MGAT4C: variants seen among roughly 807,000 people sequenced by gnomAD.
MGAT4C encodes the protein alpha-1,3-mannosyl-glycoprotein 4-beta-N-acetylglucosaminyltransferase C.
A neutral mutation model predicts 40.1 loss-of-function variants in MGAT4C; 19 were observed. The observed-to-expected ratio is 0.47, with a 90% CI of 0.33 to 0.70. The LOEUF (loss-of-function observed/expected upper bound fraction) is 0.70, where lower values mean the gene tolerates loss of function less well. Ranked by LOEUF, MGAT4C falls within the 30% of genes least tolerant of loss-of-function variation. The pLI is 0.02. For synonymous variants in MGAT4C, 181 were observed against 187.1 expected (o/e 0.97, Z 0.27); for missense variants, 491 against 563.2 (o/e 0.87, Z 1.30).
intron 3 of MGAT4C, among the ~76,000 whole-genome samples, chr12:85,984,221 G>A (rs1159670587): frequency 6.6e-6 from 1 of 152,170 alleles, no homozygotes; most frequent in Non-Finnish European, 1.5e-5. Context: ...AGTCACTTAT[G>A]TGGCTACTAT....
intron 2 of MGAT4C, among the ~76,000 whole-genome samples, chr12:86,623,425 G>C (rs1962700506): frequency 6.6e-6 from 1 of 152,020 alleles, no homozygotes; most frequent in South Asian, 2.1e-4. Context: ...TTTACAGTAA[G>C]CATTAAAAGT....
chr12:86,516,937 A>G (rs1201678402), intron 2 of MGAT4C, among the ~76,000 whole-genome samples: 1 of 152,202 alleles, frequency 6.6e-6, no homozygotes, highest in Non-Finnish European at 1.5e-5. Context: ...CAATAAGCAC[A>G]AGACAAAAGA....
intron 1 of MGAT4C, among the ~76,000 whole-genome samples, chr12:86,144,003 A>G (rs1468776375): frequency 6.6e-6 from 1 of 152,188 alleles, no homozygotes; most frequent in Non-Finnish European, 1.5e-5. Flanking sequence ...AGTGCCTAGC[A>G]CATAATATGT....
At chr12:86,598,963 C>T (rs1054600546) in intron 2 of MGAT4C, among the ~76,000 whole-genome samples, 1 of 152,050 alleles carries the variant, frequency 6.6e-6, no homozygotes, top group African/African-American at 2.4e-5. Flanking sequence ...CTGAAGCTAA[C>T]AGAACTAAGG....
At chr12:86,528,415 T>C (rs1051496079) in intron 2 of MGAT4C, among the ~76,000 whole-genome samples, 1 of 152,076 alleles carries the variant, frequency 6.6e-6, no homozygotes, top group African/African-American at 2.4e-5. Context: ...TTTGCTTTTC[T>C]AGAAAACAAA....
chr12:86,663,353 C>CAAAAAAAA lies in MGAT4C; in HGVS notation c.-229+63848_-229+63855dup, dbSNP rs58562873. On this transcript the variant is annotated intron_variant, in intron 2 of 7. Coordinates refer to the MGAT4C transcript ENST00000548651. Reference sequence around the variant, plus strand: ...TGAAAAAGTGATACCTCCTCTGTCTCAAAAAAAAAAAAAAAAAAAAAAGAG... The same window carrying CAAAAAAAA: ...TGAAAAAGTGATACCTCCTCTGTCTCAAAAAAAAAAAAAAAAAAAAAAAAAAAAAAGAG... Among the ~76,000 whole-genome samples the CAAAAAAAA allele has an allele frequency of 5.8e-3, 261 of 44,722 alleles. 6 individuals carry two copies. The highest frequency in any genetic ancestry group is 0.019 in the African/African-American group (229 of 11,780). The allele number at this position is 44,722 out of a possible 152,430, so 29.3% of individuals were successfully genotyped here. A position where few individuals can be genotyped will look rare whatever the true frequency, so the allele number is the denominator to read the frequency against.
chr12:86,509,548 T>C (rs1262592280), intron 2 of MGAT4C, among the ~76,000 whole-genome samples: 1 of 152,124 alleles, frequency 6.6e-6, no homozygotes, highest in Non-Finnish European at 1.5e-5. Context: ...ATGGGGGCTC[T>C]TTTTTGGTTC....
At chr12:85,998,777 T>A (rs1886943941) in intron 2 of MGAT4C, among the ~76,000 whole-genome samples, 1 of 152,126 alleles carries the variant, frequency 6.6e-6, no homozygotes, top group Non-Finnish European at 1.5e-5. Context: ...ATTCAACAAG[T>A]CTCTAGGAAG....
chr12:86,725,345 A>G (rs190151341), intron 2 of MGAT4C, among the ~76,000 whole-genome samples: 128 of 152,260 alleles, frequency 8.4e-4, no homozygotes, highest in African/African-American at 2.9e-3. Context: ...CTTAGCCTTA[A>G]ACAACTTGGG....
rs777348342 is a variant in MGAT4C, at chr12:86,036,936, G to T, written c.-7+12738C>A. Among the ~76,000 whole-genome samples, 5 of 149,748 alleles carry T rather than the reference G, an allele frequency of 3.3e-5. 1 individual carries two copies. Among genetic ancestry groups the T allele is most frequent in the African/African-American group, 1.2e-4 (5 of 41,232 alleles). On this transcript the variant is annotated intron_variant, in intron 2 of 4. Coordinates refer to ENST00000611864, the MANE Select transcript of MGAT4C (RefSeq NM_001351288.2). The stretch of plus-strand genomic sequence containing the variant: ...TCTGTCTGGTCCTGGACTTTTTTTG[G>T]TTGGTAGGCTATTACTGCCTCAATT...
chr12:86,031,576 C>T (rs189070197), intron 2 of MGAT4C, among the ~76,000 whole-genome samples: 35 of 151,724 alleles, frequency 2.3e-4, no homozygotes, highest in African/African-American at 8.4e-4. Context: ...TATTACAACA[C>T]CTGCAATGTT....
chr12:86,780,208 T>A (rs1951814233), intron 1 of MGAT4C, among the ~76,000 whole-genome samples: 1 of 152,184 alleles, frequency 6.6e-6, no homozygotes, highest in Non-Finnish European at 1.5e-5. Flanking sequence ...ATTCTCTAAC[T>A]CAAAAGCCAT....
At chr12:86,018,825 T>A (rs566871281) in intron 2 of MGAT4C, among the ~76,000 whole-genome samples, 5 of 152,192 alleles carry the variant, frequency 3.3e-5, no homozygotes, top group African/African-American at 1.2e-4. Flanking sequence ...AGTTTCACTT[T>A]AAGCTTCAAC....
At chr12:86,758,170 C>T (rs1378523134) in intron 1 of MGAT4C, among the ~76,000 whole-genome samples, 1 of 152,048 alleles carries the variant, frequency 6.6e-6, no homozygotes, top group Non-Finnish European at 1.5e-5. Flanking sequence ...ATTTCAATTA[C>T]CCAAAGTTTC....
intron 2 of MGAT4C, among the ~76,000 whole-genome samples, chr12:86,590,999 A>G (rs1401584189): frequency 6.6e-6 from 1 of 151,856 alleles, no homozygotes; most frequent in Admixed American, 6.6e-5. Flanking sequence ...CTTTATATCT[A>G]TTTCTTGGGA....
intron 1 of MGAT4C, among the ~76,000 whole-genome samples, chr12:86,803,211 T>C (rs1363081406): frequency 1.3e-5 from 2 of 150,462 alleles, no homozygotes; most frequent in Admixed American, 6.6e-5. Flanking sequence ...TGGCTAGCCA[T>C]ATGTAGAAAG....
intron 2 of MGAT4C, among the ~76,000 whole-genome samples, chr12:86,655,551 C>T (rs1416488726): frequency 6.6e-6 from 1 of 152,010 alleles, no homozygotes; most frequent in East Asian, 1.9e-4. Context: ...AACTTGAATG[C>T]CATATTCAAT....
At chr12:86,009,269 C>T (rs558494692) in intron 2 of MGAT4C, among the ~76,000 whole-genome samples, 16 of 152,226 alleles carry the variant, frequency 1.1e-4, no homozygotes, top group Non-Finnish European at 1.8e-4. Flanking sequence ...TTTCTGTGTG[C>T]GTTCCAGAAG....
intron 1 of MGAT4C, among the ~76,000 whole-genome samples, chr12:86,246,842 A>C (rs537325386): frequency 1.3e-5 from 2 of 152,294 alleles, no homozygotes; most frequent in African/African-American, 4.8e-5. Context: ...CTAATATCTC[A>C]AACTACTTTC....
Sources: allele counts gnomAD v4.1 joint callset (sites outside exome capture counted in the v4.1 genomes callset), GRCh38; gene constraint gnomAD v4.1.1; transcripts MANE v1.5; gene names NCBI Gene and HGNC (gene_info 2026-07-23, HGNC 2026-07-21).